The following MRPL33 variants were observed in gnomAD, a reference collection of about 807,000 sequenced individuals.
MRPL33 encodes the protein large ribosomal subunit protein bL33m.
A neutral mutation model predicts 10.1 loss-of-function variants in MRPL33; 5 were observed. That is an observed-to-expected ratio of 0.49 (90% CI 0.26 to 1.04). The LOEUF is 1.04. Ranked by LOEUF, MRPL33 falls within the 50% of genes least tolerant of loss-of-function variation. The probability of loss-of-function intolerance (pLI) is 0.14; values close to 1 mark genes in which losing one functional copy is unlikely to be tolerated. For missense variants in MRPL33, 79 were observed against 78.1 expected (o/e 1.01, Z -0.04); for synonymous variants, 24 against 27.7 (o/e 0.87, Z 0.42).
intron 3 of MRPL33, among the ~76,000 whole-genome samples, chr2:27,775,648 G>A (rs915292732): frequency 2.0e-5 from 3 of 152,038 alleles, no homozygotes; most frequent in Non-Finnish European, 4.4e-5. Context: ...CACCGCACCC[G>A]GCCATTGCTT....
At position 27,772,704 on chromosome 2, in the gene MRPL33, T is replaced by G; in HGVS notation, c.41+12T>G. On this transcript the variant is annotated intron_variant, in intron 2 of 3. Coordinates refer to ENST00000296102, the MANE Select transcript of MRPL33 (RefSeq NM_004891.4). ...AAGAGCAAGTCAAAGTAAGTAAAGA[T>G]TTTTCCTTTTTTAAACGTCACTTGT... 1 of 1,596,282 alleles carries G rather than the reference T, an allele frequency of 6.3e-7. No individual in the cohort carries two copies. The highest frequency in any genetic ancestry group is 8.6e-7 in the Non-Finnish European group (1 of 1,167,296).
intron 3 of MRPL33, among the ~76,000 whole-genome samples, chr2:27,778,556 TTC>T (rs892119763): frequency 6.6e-6 from 1 of 151,236 alleles, no homozygotes; most frequent in African/African-American, 2.4e-5. Context: ...CTTCAATCTT[TTC>T]TTTTTTTTTT....
At chr2:27,778,581 T>A (rs1677218314) in intron 3 of MRPL33, among the ~76,000 whole-genome samples, 1 of 151,184 alleles carries the variant, frequency 6.6e-6, no homozygotes, top group Admixed American at 6.6e-5. Context: ...TGAGACGGAG[T>A]TTCACTCTTG....
intron 3 of MRPL33, among the ~76,000 whole-genome samples, chr2:27,777,097 C>T (rs750810773): frequency 6.6e-6 from 1 of 152,194 alleles, no homozygotes; most frequent in Non-Finnish European, 1.5e-5. Context: ...GCAGACTGGT[C>T]TCGAACTCCT....
At position 27,779,728 on chromosome 2, in the gene MRPL33, A is replaced by C; in HGVS notation, c.*246A>C. The C allele has an allele frequency of 1.7e-6, 1 of 597,878 alleles. No individual in the cohort carries two copies. The highest frequency in any genetic ancestry group is 2.6e-6 in the Non-Finnish European group (1 of 387,824). 37.0% of individuals were successfully genotyped at this position (597,878 alleles called of 1,614,324 possible). A position where few individuals can be genotyped will look rare whatever the true frequency, so the allele number is the denominator to read the frequency against. ...TTTATAGCCCTTAATAAAAAATATT[A>C]AAATAGCCTGTGCTATTGTGTCTTA... On this transcript the variant is annotated 3_prime_UTR_variant, in exon 4 of 4. Transcript: ENST00000296102.
intron 1 of MRPL33, 109 bp downstream of exon 1, chr2:27,771,908 T>G: frequency 8.5e-7 from 1 of 1,175,798 alleles, no homozygotes; most frequent in Non-Finnish European, 1.2e-6. Context: ...GACGGGAAGC[T>G]GCAGCTGCGT....
Position 27,774,511 on chromosome 2 carries a change from T to C in MRPL33, c.129T>C (p.Leu43=), listed in dbSNP as rs768983563. The change falls in exon 3 of 4, where the codon CTT becomes CTC. Residue 43 remains leucine (L), a synonymous_variant. Coordinates refer to ENST00000296102, the MANE Select transcript of MRPL33 (RefSeq NM_004891.4). ...KRNRLREKLT[L]LHYDPVVKQR... is the part of the protein sequence containing the mutation. ...ACCGACTGCGGGAAAAACTGACTCT[T>C]TTGCATTATGATCCAGTTGGTAAGA... The C allele has an allele frequency of 1.9e-6, 3 of 1,614,072 alleles. No individual in the cohort carries two copies. The highest frequency in any genetic ancestry group is 3.3e-5 in the Admixed American group (2 of 60,022).
chr2:27,775,098 G>A (rs1677125147), intron 3 of MRPL33, among the ~76,000 whole-genome samples: 1 of 152,060 alleles, frequency 6.6e-6, no homozygotes, highest in African/African-American at 2.4e-5. Flanking sequence ...TTTCCATTTT[G>A]TGCCATCCAC....
chr2:27,775,453 G>A (rs1483753573), intron 3 of MRPL33, among the ~76,000 whole-genome samples: 1 of 148,740 alleles, frequency 6.7e-6, no homozygotes, highest in Non-Finnish European at 1.5e-5. Flanking sequence ...CTGGGTTCAA[G>A]TGATTCTCCT....
At chr2:27,777,623 T>C (rs1385297399) in intron 3 of MRPL33, among the ~76,000 whole-genome samples, 1 of 152,196 alleles carries the variant, frequency 6.6e-6, no homozygotes, top group Non-Finnish European at 1.5e-5. Flanking sequence ...CCTCATGATG[T>C]ACTGATGTAT....
Position 27,771,739 on chromosome 2 carries a change from C to G in MRPL33, c.-39C>G, listed in dbSNP as rs377227147. ...GAAGCAGTTGTTGTTGGTTGGGGGC[C>G]TTTTGGCCGGTGACGGAGACTGCCC... On this transcript the variant is annotated 5_prime_UTR_variant, in exon 1 of 4. Transcript: ENST00000296102. 6.2e-7 allele frequency: 1 copy of G among 1,613,770 alleles called. No homozygotes were observed. The highest frequency in any genetic ancestry group is 1.7e-5 in the Admixed American group (1 of 59,988).
chr2:27,778,905 C>T (rs1270724569), intron 3 of MRPL33, among the ~76,000 whole-genome samples: 2 of 152,170 alleles, frequency 1.3e-5, no homozygotes, highest in Admixed American at 6.5e-5. Flanking sequence ...GAGAACTGTA[C>T]TCTAATATTT....
intron 1 of MRPL33, 65 bp downstream of exon 1, chr2:27,771,864 C>G (rs957562034): frequency 4.6e-6 from 7 of 1,515,436 alleles, no homozygotes; most frequent in Non-Finnish European, 1.8e-6. Context: ...ACAGGCAGGG[C>G]CCCGGAATGA....
chr2:27,772,658 C>G lies in MRPL33; in HGVS notation c.23-16C>G, dbSNP rs1361178087. 6.3e-7 allele frequency: 1 copy of G among 1,588,756 alleles called. No individual in the cohort carries two copies. Among genetic ancestry groups the G allele is most frequent in the Admixed American group, 1.7e-5 (1 of 58,560 alleles). ...ATTTTTATTTTCTTTTCCAACCCTT[C>G]CTGTCTACAAAAAAGTTGCCAAGAG... On this transcript the variant is annotated splice_polypyrimidine_tract_variant and intron_variant, in intron 1 of 3. Transcript: ENST00000296102.
intron 3 of MRPL33, among the ~76,000 whole-genome samples, chr2:27,777,887 C>A (rs1297260231): frequency 6.6e-6 from 1 of 152,030 alleles, no homozygotes; most frequent in East Asian, 1.9e-4. Flanking sequence ...TTTTTAGTTC[C>A]CTGTAGAAAA....
rs141125946 is a variant in MRPL33 at position 27,774,322 on chromosome 2, A to G, written c.42-102A>G. On this transcript the variant is annotated intron_variant, in intron 2 of 3. Coordinates refer to ENST00000296102, the MANE Select transcript of MRPL33 (RefSeq NM_004891.4). ...TTTTAGGGCCAAGTGATATCTCACA[A>G]CTAATATTACCCTACAGAGTTCTCA... The G allele has an allele frequency of 5.0e-4, 452 of 910,904 alleles. 2 individuals carry two copies. The African/African-American group carries it at 6.5e-3, about 13-fold the overall frequency. 56.4% of individuals were successfully genotyped at this position (910,904 alleles called of 1,614,324 possible).
At chr2:27,779,327 TA>T in intron 3 of MRPL33, 105 bp from the exon 4 acceptor site, 3 of 1,318,106 alleles carry the variant, frequency 2.3e-6, no homozygotes, top group Non-Finnish European at 2.0e-6. Flanking sequence ...CAAGGAATAG[TA>T]AAATAAGAGA....
intron 3 of MRPL33, among the ~76,000 whole-genome samples, chr2:27,775,350 A>ATTTTT (rs67199907): frequency 2.4e-5 from 3 of 123,048 alleles, no homozygotes; most frequent in South Asian, 2.6e-4. Context: ...TTTATAATTA[A>ATTTTT]TTTTTTTTTT....
At chr2:27,773,629 C>T (rs1420408510) in intron 2 of MRPL33, among the ~76,000 whole-genome samples, 1 of 152,176 alleles carries the variant, frequency 6.6e-6, no homozygotes, top group Non-Finnish European at 1.5e-5. Context: ...TTTGTATTTC[C>T]CAGAGTGCCT....
Sources: gnomAD v4.1 joint callset for allele counts (sites outside exome capture counted in the v4.1 genomes callset) on GRCh38, gnomAD v4.1.1 for gene constraint, MANE v1.5 for transcripts, NCBI Gene and HGNC (gene_info 2026-07-23, HGNC 2026-07-21) for gene names.